The following AGO3 variants were observed in gnomAD, a reference collection of about 807,000 sequenced individuals.
AGO3 encodes argonaute RISC catalytic component 3.
A neutral mutation model predicts 105.5 loss-of-function variants in AGO3; 16 were observed. The observed-to-expected ratio is 0.15, with a 90% CI of 0.10 to 0.23. AGO3 has a LOEUF of 0.23. AGO3 is among the 10% of genes least tolerant of loss of function. The pLI, the probability that AGO3 is intolerant of heterozygous loss-of-function variation, is 1.00. For synonymous variants in AGO3, 340 were observed against 367.3 expected (o/e 0.93, Z 0.85); for missense variants, 534 against 1,088.0 (o/e 0.49, Z 7.16).
rs1400051009 is a variant in AGO3, at chr1:36,068,273, A to G, written c.*12528A>G. 6.6e-6 allele frequency: 1 copy of G among 152,242 alleles called. No individual in the cohort carries two copies. The allele number at this position is 152,242 out of a possible 1,614,324, so 9.4% of individuals were successfully genotyped here. On this transcript the variant is annotated 3_prime_UTR_variant, in exon 19 of 19. Coordinates refer to ENST00000373191, the MANE Select transcript of AGO3 (RefSeq NM_024852.4). ...GATTGAAAGTATTAATGTTGCAAGTATTATCTCTAGCCATGGAATTTTTTG... is the reference window on the plus strand; with the variant it reads ...GATTGAAAGTATTAATGTTGCAAGTGTTATCTCTAGCCATGGAATTTTTTG...
At chr1:35,998,106 CA>C (rs1314876973) in intron 5 of AGO3, among the ~76,000 whole-genome samples, 17 of 152,180 alleles carry the variant, frequency 1.1e-4, no homozygotes, top group African/African-American at 4.1e-4. Context: ...AATACTATCC[CA>C]CTGATATTTT....
rs927533221 is a variant in AGO3 at position 35,931,245 on chromosome 1, G to T, written c.-182G>T. The T allele has an allele frequency of 4.3e-6, 2 of 461,456 alleles. No homozygotes were observed. Among genetic ancestry groups the T allele is most frequent in the South Asian group, 4.8e-5 (1 of 20,816 alleles). The allele number at this position is 461,456 out of a possible 1,614,324, so 28.6% of individuals were successfully genotyped here. ...CTCGCCTAGTCCTGTGCCGTTTTCC[G>T]TCCGCGACTCTTCCGGCCCAGAGCT... On this transcript the variant is annotated 5_prime_UTR_variant, in exon 1 of 19. Coordinates refer to ENST00000373191, the MANE Select transcript of AGO3 (RefSeq NM_024852.4).
chr1:35,964,895 T>C (rs987120488), intron 2 of AGO3, among the ~76,000 whole-genome samples: 1 of 152,224 alleles, frequency 6.6e-6, no homozygotes, highest in African/African-American at 2.4e-5. Context: ...GAGCATTTTT[T>C]CATATGCTTG....
Position 35,937,644 on chromosome 1 carries a change from C to T in AGO3, c.19+6199C>T, listed in dbSNP as rs913338617. 7.9e-5 allele frequency among the ~76,000 whole-genome samples: 12 copies of T among 152,210 alleles called. 1 individual carries two copies. The highest frequency in any genetic ancestry group is 6.8e-3 in the Middle Eastern group (2 of 294). Reference sequence around the variant, plus strand: ...GGCGGAGGTTGCAGTGAGCCAAGATCGTGCCACTGCCCTCCAGCCTGGACC... The same window carrying T: ...GGCGGAGGTTGCAGTGAGCCAAGATTGTGCCACTGCCCTCCAGCCTGGACC... On this transcript the variant is annotated intron_variant, in intron 1 of 18. Transcript: ENST00000373191.
chr1:35,947,992 G>C (rs979335665), intron 2 of AGO3, among the ~76,000 whole-genome samples: 1 of 152,130 alleles, frequency 6.6e-6, no homozygotes, highest in African/African-American at 2.4e-5. Flanking sequence ...AGGAGTTAAG[G>C]CTGCAGTGTG....
intron 4 of AGO3, 41 bp downstream of exon 4, chr1:35,972,273 C>A (rs765015294): frequency 6.3e-7 from 1 of 1,591,878 alleles, no homozygotes; most frequent in Non-Finnish European, 8.6e-7. Flanking sequence ...TTTTAAACTC[C>A]CAAGAATGAA....
chr1:36,035,644 G>A (rs1017781713), intron 13 of AGO3, among the ~76,000 whole-genome samples: 3 of 151,946 alleles, frequency 2.0e-5, no homozygotes, highest in Non-Finnish European at 2.9e-5. Flanking sequence ...TTATAATTTT[G>A]TGCCCATGTT....
chr1:36,009,102 T>C (rs1162643233), intron 8 of AGO3, 58 bp downstream of exon 8: 3 of 1,465,826 alleles, frequency 2.0e-6, no homozygotes, highest in Non-Finnish European at 2.7e-6. Flanking sequence ...TTGGGGTCTT[T>C]TATGGCCGAT....
chr1:35,981,382 G>A (rs191474409), intron 5 of AGO3, among the ~76,000 whole-genome samples: 103 of 152,158 alleles, frequency 6.8e-4, no homozygotes, highest in Non-Finnish European at 2.5e-4. Context: ...TGTGCTCAAG[G>A]CCTCTCTCCT....
intron 14 of AGO3, among the ~76,000 whole-genome samples, chr1:36,037,938 T>C (rs1184471179): frequency 6.6e-6 from 1 of 152,226 alleles, no homozygotes; most frequent in Non-Finnish European, 1.5e-5. Context: ...TAAATCCGTT[T>C]CTACCAAATA....
chr1:35,932,274 C>G lies in AGO3; in HGVS notation c.19+829C>G, dbSNP rs572115534. Among the ~76,000 whole-genome samples the G allele has an allele frequency of 3.9e-5, 6 of 152,272 alleles. No individual in the cohort carries two copies. In the South Asian group the frequency reaches 8.3e-4, roughly 21 times the overall value. On this transcript the variant is annotated intron_variant, in intron 1 of 18. Transcript: ENST00000373191. ...AGAAAGGTGTTGCATAACGGTTTGC[C>G]TAACAAATGATCATGCTTGGCTTAT...
chr1:35,960,282 A>T (rs550886285), intron 2 of AGO3, among the ~76,000 whole-genome samples: 1 of 152,212 alleles, frequency 6.6e-6, no homozygotes, highest in South Asian at 2.1e-4. Flanking sequence ...ATATCCTTTG[A>T]GATAAGAAAT....
chr1:36,062,845 ACTGTGT>A lies in AGO3; in HGVS notation c.*7105_*7110del, dbSNP rs1276780768. 1 of 152,232 alleles carries A rather than the reference ACTGTGT, an allele frequency of 6.6e-6. No homozygotes were observed. Among genetic ancestry groups the A allele is most frequent in the Non-Finnish European group, 1.5e-5 (1 of 68,026 alleles). The allele number at this position is 152,232 out of a possible 1,614,324, so 9.4% of individuals were successfully genotyped here. On this transcript the variant is annotated 3_prime_UTR_variant, in exon 19 of 19. Coordinates refer to ENST00000373191, the MANE Select transcript of AGO3 (RefSeq NM_024852.4). ...AGTAAAATTATATTGTTTGGAGTGTACTGTGTCTGTTTGCAAATATACATGCACATT... is the reference window on the plus strand; with the variant it reads ...AGTAAAATTATATTGTTTGGAGTGTACTGTTTGCAAATATACATGCACATT...
At chr1:35,939,136 G>A (rs1178081735) in intron 1 of AGO3, among the ~76,000 whole-genome samples, 1 of 152,016 alleles carries the variant, frequency 6.6e-6, no homozygotes, top group Admixed American at 6.5e-5. Flanking sequence ...ACTAAAATAT[G>A]CTTCATTGGA....
At chr1:35,948,685 A>G (rs1034991088) in intron 2 of AGO3, among the ~76,000 whole-genome samples, 3 of 152,188 alleles carry the variant, frequency 2.0e-5, no homozygotes, top group African/African-American at 7.2e-5. Flanking sequence ...TCATGTGTAT[A>G]TGCTCAATGT....
At chr1:36,007,716 T>C (rs1640405094) in intron 6 of AGO3, among the ~76,000 whole-genome samples, 1 of 151,928 alleles carries the variant, frequency 6.6e-6, no homozygotes, top group South Asian at 2.1e-4. Flanking sequence ...TAAATAAAAT[T>C]AAATTTTCAG....
intron 17 of AGO3, among the ~76,000 whole-genome samples, chr1:36,044,150 GC>G (rs1642363087): frequency 6.6e-6 from 1 of 152,148 alleles, no homozygotes; most frequent in African/African-American, 2.4e-5. Context: ...TTTGAGACCA[GC>G]CTGGGCAACA....
intron 1 of AGO3, among the ~76,000 whole-genome samples, chr1:35,938,952 A>G (rs982254673): frequency 4.6e-5 from 7 of 152,136 alleles, no homozygotes; most frequent in African/African-American, 7.2e-5. Context: ...GGACACATGT[A>G]TGCTTTGGAA....
At chr1:36,038,536 T>C (rs1014012816) in intron 14 of AGO3, among the ~76,000 whole-genome samples, 3 of 152,134 alleles carry the variant, frequency 2.0e-5, no homozygotes, top group Non-Finnish European at 4.4e-5. Flanking sequence ...ATTACAGGCG[T>C]GAGCTACCGT....
Sources: allele counts gnomAD v4.1 joint callset (sites outside exome capture counted in the v4.1 genomes callset), GRCh38; gene constraint gnomAD v4.1.1; transcripts MANE v1.5; gene names NCBI Gene and HGNC (gene_info 2026-07-23, HGNC 2026-07-21).